TOE1: variants seen among roughly 807,000 people sequenced by gnomAD.
TOE1 encodes the protein target of EGR1, exonuclease, also known as target of EGR1 protein 1.
TOE1 carries 50 observed loss-of-function variants against 49.2 expected under a neutral mutation model. The ratio of observed to expected loss-of-function variants is 1.02; its 90% CI spans 0.81 to 1.29. The LOEUF is 1.29. Ranked by LOEUF, TOE1 falls within the 50% of genes most tolerant of loss-of-function variation. The pLI, the probability that TOE1 is intolerant of heterozygous loss-of-function variation, is 0.00. For synonymous variants in TOE1, 221 were observed against 247.0 expected (o/e 0.89, Z 0.99); for missense variants, 544 against 654.4 (o/e 0.83, Z 1.84).
Position 45,343,339 on chromosome 1 carries a change from GA to G in TOE1, c.1172del (p.Asn391ThrfsTer13), listed in dbSNP as rs777525101. On this transcript the variant is annotated frameshift_variant, in exon 8 of 8. Transcript: ENST00000372090. LOFTEE classifies it high-confidence loss of function. The surrounding 1 kb of genome is among the most constrained non-coding windows in gnomAD (Gnocchi z 4.3). ...AGGAGGTGGCTGCCGATGAAACTAG[GA>G]ACCTGCCTCACTCCAAGCAAGGCAA... ...EQEVAADETRNLPHSKQGNKN... is the reference protein window; with the variant it reads ...EQEVAADETRXLPHSKQGNKN... 9 of 1,614,022 alleles carry G rather than the reference GA, an allele frequency of 5.6e-6. No homozygotes were observed. In the Admixed American group the frequency reaches 8.3e-5, roughly 15 times the overall value.
chr1:45,341,488 T>C lies in TOE1; in HGVS notation c.252T>C (p.Arg84=). ...CAACCCCAAGGTGCATTGAGGAACG[T>C]TACAAGGCCGTGTGTCATGCTGCCA... ...KSLLNQCIEE[R]YKAVCHAART... Residue 84 remains arginine (R), a synonymous_variant, in exon 4 of 8, where the codon CGT becomes CGC. Coordinates refer to ENST00000372090, the MANE Select transcript of TOE1 (RefSeq NM_025077.4). 1 of 1,614,036 alleles carries C rather than the reference T, an allele frequency of 6.2e-7. No individual in the cohort carries two copies. The highest frequency in any genetic ancestry group is 8.5e-7 in the Non-Finnish European group (1 of 1,180,008).
rs762494549 is a variant in TOE1 at position 45,342,796 on chromosome 1, A to T, written c.753-47A>T. The T allele has an allele frequency of 3.7e-6, 6 of 1,612,408 alleles. No individual in the cohort carries two copies. In the African/African-American group the frequency reaches 8.0e-5, roughly 22 times the overall value. On this transcript the variant is annotated intron_variant, in intron 6 of 7. Transcript: ENST00000372090. The stretch of plus-strand genomic sequence containing the variant: ...AAACAGACCACAAAACCCTGCTCTT[A>T]TGGAGCTTATATGCTAGTGGACCAT...
In TOE1 at chr1:45,342,604, G is replaced by A. The variant is rs756609909; in HGVS notation, c.713G>A (p.Arg238His). ...AAATATGCTGCTGAGTTTCATGCCC[G>A]TTTCGTGGCCTCCTACTTAGAATAT... ...DTKYAAEFHA[R>H]FVASYLEYAF... The change falls in exon 6 of 8, where the codon CGT becomes CAT. Residue 238 changes from arginine (R) to histidine (H), a missense_variant. Coordinates refer to ENST00000372090, the MANE Select transcript of TOE1 (RefSeq NM_025077.4). 1.7e-5 allele frequency: 28 copies of A among 1,613,966 alleles called. No individual in the cohort carries two copies. Among genetic ancestry groups the A allele is most frequent in the African/African-American group, 1.1e-4 (8 of 74,878 alleles).
At chr1:45,340,340 TG>T in intron 1 of TOE1, 36 bp downstream of exon 1, 1 of 1,597,648 alleles carries the variant, frequency 6.3e-7, no homozygotes, top group East Asian at 2.3e-5. Flanking sequence ...TCAAAGCCTC[TG>T]CGCTCTGGGA....
intron 1 of TOE1, chr1:45,340,555 AGTT>A: frequency 7.2e-7 from 1 of 1,382,528 alleles, no homozygotes; most frequent in Non-Finnish European, 9.4e-7. Flanking sequence ...TAGTAGTAAT[AGTT>A]GTGATTCAGT....
Position 45,343,874 on chromosome 1 carries a change from G to T in TOE1, c.*172G>T. 1.5e-6 allele frequency: 1 copy of T among 670,102 alleles called. No homozygotes were observed. The allele number at this position is 670,102 out of a possible 1,614,324, so 41.5% of individuals were successfully genotyped here. On this transcript the variant is annotated 3_prime_UTR_variant, in exon 8 of 8. Transcript: ENST00000372090. The surrounding 1 kb of genome is among the most constrained non-coding windows in gnomAD (Gnocchi z 4.3). ...CAGTGTTTGAGGTACAAGTAAGAAG[G>T]CTGACCAGCACCTGTAACACTGACT...
intron 6 of TOE1, 23 bp from the exon 7 acceptor site, chr1:45,342,820 A>G: frequency 6.2e-7 from 1 of 1,613,932 alleles, no homozygotes. Context: ...CTAGTGGACC[A>G]TTACCCTCTT....
rs1295544140 is a variant in TOE1, at chr1:45,343,750, C to G, written c.*48C>G. The G allele has an allele frequency of 1.3e-6, 2 of 1,561,542 alleles. No homozygotes were observed. Among genetic ancestry groups the G allele is most frequent in the African/African-American group, 1.4e-5 (1 of 73,174 alleles). On this transcript the variant is annotated 3_prime_UTR_variant, in exon 8 of 8. Coordinates refer to ENST00000372090, the MANE Select transcript of TOE1 (RefSeq NM_025077.4). The surrounding 1 kb of genome is among the most constrained non-coding windows in gnomAD (Gnocchi z 4.3). The stretch of plus-strand genomic sequence containing the variant: ...GGTGGAACAGAGGTATTTTGGGTCT[C>G]TCTAGCCTGAAATGTCATCCTCAAC...
chr1:45,341,685 A>AT, intron 4 of TOE1, 116 bp downstream of exon 4: 1 of 977,348 alleles, frequency 1.0e-6, no homozygotes, highest in Non-Finnish European at 1.5e-6. Flanking sequence ...TTGACTTGAT[A>AT]GTTTTTTTTT....
rs1213114805 is a variant in TOE1, at chr1:45,343,207, G to A, written c.1038G>A (p.Lys346=). 6.2e-7 allele frequency: 1 copy of A among 1,613,932 alleles called. No homozygotes were observed. The highest frequency in any genetic ancestry group is 2.2e-5 in the East Asian group (1 of 44,872). Residue 346 remains lysine (K), a synonymous_variant, in exon 8 of 8, where the codon AAG becomes AAA. Coordinates refer to ENST00000372090, the MANE Select transcript of TOE1 (RefSeq NM_025077.4). The surrounding 1 kb of genome is among the most constrained non-coding windows in gnomAD (Gnocchi z 4.3). ...GGCGACGACGTAGGGAAAAACGGAA[G>A]AGGGCTTTATTGAACCTACCGGGGA... The part of the protein sequence containing the change: ...RRRRRRREKR[K]RALLNLPGTQ...
intron 1 of TOE1, among the ~76,000 whole-genome samples, chr1:45,340,747 C>T (rs1646895269): frequency 6.6e-6 from 1 of 152,092 alleles, no homozygotes; most frequent in South Asian, 2.1e-4. Flanking sequence ...TCCTCAAGCC[C>T]TACAAAATGT....
chr1:45,343,756 C>T lies in TOE1; in HGVS notation c.*54C>T. On this transcript the variant is annotated 3_prime_UTR_variant, in exon 8 of 8. Transcript: ENST00000372090. The surrounding 1 kb of genome is among the most constrained non-coding windows in gnomAD (Gnocchi z 4.3). The stretch of plus-strand genomic sequence containing the variant: ...ACAGAGGTATTTTGGGTCTCTCTAG[C>T]CTGAAATGTCATCCTCAACTGCTAC... The T allele has an allele frequency of 6.4e-7, 1 of 1,552,046 alleles. No individual in the cohort carries two copies. Among genetic ancestry groups the T allele is most frequent in the Non-Finnish European group, 8.7e-7 (1 of 1,146,530 alleles).
At chr1:45,340,561 G>A in intron 1 of TOE1, 3 of 1,374,374 alleles carry the variant, frequency 2.2e-6, no homozygotes, top group South Asian at 1.5e-5. Context: ...TAATAGTTGT[G>A]ATTCAGTTCA....
chr1:45,340,314 T>G lies in TOE1; in HGVS notation c.52+10T>G, dbSNP rs1646835421. 6.2e-7 allele frequency: 1 copy of G among 1,611,062 alleles called. No homozygotes were observed. ...CCCGCAGCTTCCGACGGTGAGCGGC[T>G]TCCCAGAGGTAGCCTTCAAAGCCTC... is the stretch of plus-strand genomic sequence containing the variant. On this transcript the variant is annotated intron_variant, in intron 1 of 7. Transcript: ENST00000372090.
Position 45,343,707 on chromosome 1 carries a change from A to G in TOE1, c.*5A>G, listed in dbSNP as rs1051331572. On this transcript the variant is annotated 3_prime_UTR_variant, in exon 8 of 8. Transcript: ENST00000372090. The surrounding 1 kb of genome is among the most constrained non-coding windows in gnomAD (Gnocchi z 4.3). ...CTCACTTGGGGCAGTAGCTGATGCA[A>G]CTTCCACCTTGCTCTCAGGTGGAAC... is the stretch of plus-strand genomic sequence containing the variant. 2 of 1,602,154 alleles carry G rather than the reference A, an allele frequency of 1.2e-6. No homozygotes were observed. Among genetic ancestry groups the G allele is most frequent in the African/African-American group, 2.7e-5 (2 of 74,606 alleles).
At chr1:45,341,725 G>A (rs1646997379) in intron 4 of TOE1, among the ~76,000 whole-genome samples, 156 bp downstream of exon 4, 1 of 151,774 alleles carries the variant, frequency 6.6e-6, no homozygotes, top group African/African-American at 2.4e-5. Context: ...TGGGGAACAG[G>A]TGGTGTTTGG....
intron 1 of TOE1, chr1:45,340,555 A>C (rs1646874467): frequency 7.2e-7 from 1 of 1,382,410 alleles, no homozygotes; most frequent in Non-Finnish European, 9.4e-7. Flanking sequence ...TAGTAGTAAT[A>C]GTTGTGATTC....
rs1019509990 is a variant in TOE1, at chr1:45,341,545, C to T, written c.309C>T (p.Ala103=). 9.9e-6 allele frequency: 16 copies of T among 1,613,748 alleles called. No individual in the cohort carries two copies. The Admixed American group carries it at 2.0e-4, about 20-fold the overall frequency. ...GTTCTATCCTTTCCCTGGGCCTCGC[C>T]TGCTTCAAGCGGCAGCCAGACAAGG... is the stretch of plus-strand genomic sequence containing the variant. ...RTRSILSLGL[A]CFKRQPDKGE... is the part of the protein sequence containing the mutation. The change falls in exon 4 of 8, where the codon GCC becomes GCT. Residue 103 remains alanine (A), a synonymous_variant. Transcript: ENST00000372090.
rs1647093480 is a variant in TOE1, at chr1:45,343,654, C to G, written c.1485C>G (p.Ser495=). The G allele has an allele frequency of 6.2e-7, 1 of 1,612,434 alleles. No homozygotes were observed. The highest frequency in any genetic ancestry group is 1.3e-5 in the African/African-American group (1 of 74,854). The change falls in exon 8 of 8, where the codon TCC becomes TCG. Residue 495 remains serine, a synonymous_variant. Coordinates refer to ENST00000372090, the MANE Select transcript of TOE1 (RefSeq NM_025077.4). This position sits in a 1 kb window ranked among gnomAD's most constrained non-coding sequence, Gnocchi z 4.3. ...TGGCCAAGAGCCAGTTCTCTCGTTC[C>G]TCCAAAGCCCACAATCAGAAGATGA... ...LTVAKSQFSR[S]SKAHNQKMKL... is the part of the protein sequence containing the mutation.
Sources: gnomAD v4.1 joint callset for allele counts (sites outside exome capture counted in the v4.1 genomes callset) on GRCh38, gnomAD v4.1.1 for gene constraint, Gnocchi (gnomAD v3.1) non-coding constraint, MANE v1.5 for transcripts, NCBI Gene and HGNC (gene_info 2026-07-23, HGNC 2026-07-21) for gene names.